PABIR2: variants seen among roughly 807,000 people sequenced by gnomAD.
The protein encoded by PABIR2 is PABIR family member 2, also known as family with sequence similarity 122B.
A neutral mutation model predicts 22.8 loss-of-function variants in PABIR2; 7 were observed. That is an observed-to-expected ratio of 0.31 (90% CI 0.17 to 0.58). The LOEUF (loss-of-function observed/expected upper bound fraction) is 0.58, where lower values mean the gene tolerates loss of function less well. PABIR2 is among the 20% of genes least tolerant of loss of function. PABIR2 has a pLI of 0.89. For missense variants in PABIR2, 155 were observed against 205.1 expected, an observed-to-expected ratio of 0.76 and a Z score of 1.49; for synonymous variants, 67 against 73.8, an observed-to-expected ratio of 0.91 and a Z score of 0.47.
At chrX:134,787,600 A>G in intron 6 of PABIR2, 67 bp from the exon 7 acceptor site, 3 of 570,754 alleles carry the variant, frequency 5.3e-6, no homozygotes, top group Non-Finnish European at 7.9e-6. Context: ...CTAGCACTCC[A>G]GTTTTCTTTC....
chrX:134,792,026 T>C (rs780845026), intron 2 of PABIR2, among the ~76,000 whole-genome samples: 3 of 112,007 alleles, frequency 2.7e-5, no homozygotes, highest in Non-Finnish European at 5.6e-5. Flanking sequence ...GCATATCCAG[T>C]CCATTTCATT....
At chrX:134,779,359 G>A (rs1285975438) in intron 9 of PABIR2, among the ~76,000 whole-genome samples, 1 of 111,518 alleles carries the variant, frequency 9.0e-6, no homozygotes, top group African/African-American at 3.3e-5. Flanking sequence ...CCAGGAGGCG[G>A]AGGTTGCAGT....
intron 9 of PABIR2, among the ~76,000 whole-genome samples, chrX:134,778,973 C>G (rs1354949122): frequency 9.0e-6 from 1 of 111,111 alleles, no homozygotes; most frequent in African/African-American, 3.3e-5. Context: ...GCCACCATGC[C>G]AGGCTAATTT....
rs766617560 is a variant in PABIR2 at position 134,780,504 on chromosome X, G to A, written c.659+1317C>T. ...TGAGGCAGGAGAATCTCTTGAACCC[G>A]GGAGGCAGAGGCTGCAGTGAGCCAA... On this transcript the variant is annotated intron_variant, in intron 9 of 9. Transcript: ENST00000343004. Among the ~76,000 whole-genome samples, 18 of 111,553 alleles carry A rather than the reference G, an allele frequency of 1.6e-4. 1 individual carries two copies. In the South Asian group the frequency reaches 6.0e-3, roughly 37 times the overall value.
intron 2 of PABIR2, among the ~76,000 whole-genome samples, chrX:134,791,395 T>C (rs2079544601): frequency 9.1e-6 from 1 of 109,724 alleles, no homozygotes; most frequent in Admixed American, 9.8e-5. Context: ...TGGCCAGAAA[T>C]GAGGAGACAA....
chrX:134,796,256 G>C lies in PABIR2; in HGVS notation c.-51C>G. ...GGCAGTGCTCAGCTCCTGGTGCTTA[G>C]CTATGGACTCCCAAGACTCTCACTG... On this transcript the variant is annotated 5_prime_UTR_variant, in exon 1 of 10. Transcript: ENST00000343004. 2.0e-6 allele frequency: 2 copies of C among 1,001,886 alleles called. No individual in the cohort carries two copies. Among genetic ancestry groups the C allele is most frequent in the African/African-American group, 3.9e-5 (2 of 51,286 alleles). 82.6% of individuals were successfully genotyped at this position (1,001,886 alleles called of 1,213,427 possible).
At position 134,796,997 on chromosome X, in the gene PABIR2, C is replaced by G. The variant is rs1238186691; in HGVS notation, c.-792G>C. 8.8e-6 allele frequency: 1 copy of G among 113,218 alleles called. No individual in the cohort carries two copies. The highest frequency in any genetic ancestry group is 3.6e-4 in the South Asian group (1 of 2,758). The allele number at this position is 113,218 out of a possible 1,213,427, so 9.3% of individuals were successfully genotyped here. ...ATCGGTGCTTCTCCCCTCCCTGCCC[C>G]CCTCCCGCCTCGAGGACAGGTTGGG... is the stretch of plus-strand genomic sequence containing the variant. On this transcript the variant is annotated 5_prime_UTR_variant, in exon 1 of 10. Transcript: ENST00000343004.
chrX:134,789,745 AAATTTAGCTCTTTAG>A (rs1426330124), intron 2 of PABIR2, 109 bp from the exon 3 acceptor site: 10 of 671,025 alleles, frequency 1.5e-5, no homozygotes, highest in Non-Finnish European at 1.7e-5. Context: ...TTCTTCTTCA[AAATTTAGCTCTTTAG>A]ATCACTGAAC....
intron 8 of PABIR2, among the ~76,000 whole-genome samples, chrX:134,785,672 C>A (rs1484371623): frequency 9.0e-6 from 1 of 111,612 alleles, no homozygotes; most frequent in East Asian, 2.8e-4. Flanking sequence ...AAACTCCTGA[C>A]CCGAGGCGAT....
intron 5 of PABIR2, 56 bp from the exon 6 acceptor site, chrX:134,788,887 C>G: frequency 4.6e-6 from 5 of 1,079,260 alleles, no homozygotes; most frequent in Non-Finnish European, 6.4e-6. Flanking sequence ...ACAGCTCTTA[C>G]TTACTACTAT....
intron 7 of PABIR2, among the ~76,000 whole-genome samples, 173 bp from the exon 8 acceptor site, chrX:134,786,123 T>A (rs941472582): frequency 8.9e-6 from 1 of 112,481 alleles, no homozygotes; most frequent in Non-Finnish European, 1.9e-5. Context: ...AACCAGCATA[T>A]GGCAACCTGG....
At chrX:134,782,645 T>C (rs367920268) in intron 8 of PABIR2, among the ~76,000 whole-genome samples, 1 of 111,805 alleles carries the variant, frequency 8.9e-6, no homozygotes, top group Admixed American at 9.5e-5. Flanking sequence ...ATTTAAAACA[T>C]ACACATTCCT....
intron 2 of PABIR2, among the ~76,000 whole-genome samples, chrX:134,792,994 T>C (rs904985040): frequency 1.8e-5 from 2 of 112,118 alleles, no homozygotes; most frequent in Non-Finnish European, 3.8e-5. Context: ...TTTTTCAGTT[T>C]TTCCCTCTCC....
In PABIR2 at chrX:134,771,519, C is replaced by A; in HGVS notation, c.*620G>T. 6 of 998,075 alleles carry A rather than the reference C, an allele frequency of 6.0e-6. No homozygotes were observed. The highest frequency in any genetic ancestry group is 7.6e-6 in the Non-Finnish European group (6 of 793,652). The allele number at this position is 998,075 out of a possible 1,213,427, so 82.3% of individuals were successfully genotyped here. A position where few individuals can be genotyped will look rare whatever the true frequency, so the allele number is the denominator to read the frequency against. The stretch of plus-strand genomic sequence containing the variant: ...AAAATCAATGCTCACTTCACACACC[C>A]CAACAGCAAAGAAGCAATAAGAGTA... On this transcript the variant is annotated 3_prime_UTR_variant, in exon 10 of 10. Transcript: ENST00000343004.
At chrX:134,788,470 T>TATATATGTA (rs1569430741) in intron 6 of PABIR2, among the ~76,000 whole-genome samples, 7 of 99,610 alleles carry the variant, frequency 7.0e-5, no homozygotes, top group Admixed American at 2.2e-4. Context: ...ATATATGTGT[T>TATATATGTA]ATATATACGT....
At chrX:134,787,446 C>A in intron 7 of PABIR2, 26 bp downstream of exon 7, 8 of 1,197,947 alleles carry the variant, frequency 6.7e-6, no homozygotes, top group Admixed American at 2.2e-5. Context: ...GTACTTCAAC[C>A]ACATTTAAAA....
chrX:134,777,624 G>A (rs1039198043), intron 9 of PABIR2, among the ~76,000 whole-genome samples: 1 of 109,438 alleles, frequency 9.1e-6, no homozygotes, highest in Non-Finnish European at 1.9e-5. Context: ...ATCACCTGAC[G>A]TTGGGAGTTC....
At chrX:134,776,645 A>AAAAGAAAAG (rs2078985505) in intron 9 of PABIR2, among the ~76,000 whole-genome samples, 4 of 111,826 alleles carry the variant, frequency 3.6e-5, no homozygotes, top group African/African-American at 1.3e-4. Context: ...GAAAAGAAAA[A>AAAAGAAAAG]AAAAGTATGC....
At chrX:134,776,525 A>G (rs1289103061) in intron 9 of PABIR2, among the ~76,000 whole-genome samples, 1 of 111,401 alleles carries the variant, frequency 9.0e-6, no homozygotes, top group Non-Finnish European at 1.9e-5. Flanking sequence ...GATGTCCATA[A>G]GGACTAAATA....
Sources: gnomAD v4.1 joint callset for allele counts (sites outside exome capture counted in the v4.1 genomes callset) on GRCh38, gnomAD v4.1.1 for gene constraint, MANE v1.5 for transcripts, NCBI Gene and HGNC (gene_info 2026-07-23, HGNC 2026-07-21) for gene names.